NDUFAF6: variants seen among roughly 807,000 people sequenced by gnomAD.
NDUFAF6 encodes NADH:ubiquinone oxidoreductase complex assembly factor 6.
A neutral mutation model predicts 40.8 loss-of-function variants in NDUFAF6; 45 were observed. The observed-to-expected ratio is 1.10, with a 90% CI of 0.87 to 1.42. NDUFAF6 has a LOEUF of 1.42. NDUFAF6 is among the 40% of genes most tolerant of loss of function. The probability of loss-of-function intolerance (pLI) is 0.00; values close to 1 mark genes in which losing one functional copy is unlikely to be tolerated. For synonymous variants in NDUFAF6, 185 were observed against 155.9 expected, an observed-to-expected ratio of 1.19 and a Z score of -1.39; for missense variants, 435 against 418.5, an observed-to-expected ratio of 1.04 and a Z score of -0.34.
chr8:95,053,685 G>T (rs1291991131), intron 8 of NDUFAF6, among the ~76,000 whole-genome samples: 1 of 151,656 alleles, frequency 6.6e-6, no homozygotes, highest in Non-Finnish European at 1.5e-5. Flanking sequence ...GAGTGCAGTG[G>T]TGTGATCTTG....
At chr8:95,097,569 T>C (rs189874387), upstream of NDUFAF6, among the ~76,000 whole-genome samples, 4 of 152,218 alleles carry the variant, frequency 2.6e-5, no homozygotes, top group East Asian at 5.8e-4. Context: ...CATGGTGGCA[T>C]GTGCCTGTAA....
chr8:94,898,269 A>G (rs957491760), intron 1 of NDUFAF6, among the ~76,000 whole-genome samples: 11 of 152,224 alleles, frequency 7.2e-5, no homozygotes, highest in African/African-American at 2.4e-4. Context: ...TTTACCTAAT[A>G]TCTTTTTATT....
Position 94,932,808 on chromosome 8 carries a change from TAAAAA to T in NDUFAF6, c.-935-12669_-935-12665del, listed in dbSNP as rs749341346. On this transcript the variant is annotated intron_variant, in intron 1 of 14. Coordinates refer to the NDUFAF6 transcript ENST00000396113. Reference sequence around the variant, plus strand: ...AAGGAGCGAGACTCCGTCTCAAAAATAAAAAAAAAAGAATTTCAAATCCCAAAATA... The same window carrying T: ...AAGGAGCGAGACTCCGTCTCAAAAATAAAAAGAATTTCAAATCCCAAAATA... 3.8e-4 allele frequency among the ~76,000 whole-genome samples: 54 copies of T among 140,888 alleles called. 1 individual carries two copies. In the South Asian group the frequency reaches 0.011, roughly 30 times the overall value. 92.4% of individuals were successfully genotyped at this position (140,888 alleles called of 152,430 possible).
chr8:94,994,194 G>T (rs910713543), intron 2 of NDUFAF6, among the ~76,000 whole-genome samples: 16 of 152,176 alleles, frequency 1.1e-4, no homozygotes, highest in Admixed American at 8.5e-4. Flanking sequence ...GGTTAGAAAT[G>T]ACCAATGTGT....
At chr8:95,098,211 C>A (rs542528585), upstream of NDUFAF6, among the ~76,000 whole-genome samples, 7 of 152,250 alleles carry the variant, frequency 4.6e-5, no homozygotes, top group East Asian at 1.3e-3. Flanking sequence ...CAATGGATAC[C>A]CCAATCTGGA....
chr8:95,025,943 G>A (rs1828066027), intron 1 of NDUFAF6, among the ~76,000 whole-genome samples: 1 of 152,190 alleles, frequency 6.6e-6, no homozygotes, highest in South Asian at 2.1e-4. Context: ...AGGCCTGACT[G>A]CTGAGACCAG....
intron 1 of NDUFAF6, among the ~76,000 whole-genome samples, chr8:94,934,548 G>T (rs1176269883): frequency 1.3e-5 from 2 of 151,930 alleles, no homozygotes; most frequent in Non-Finnish European, 2.9e-5. Context: ...AGCAAGCCTG[G>T]CTAATTTTTG....
At chr8:94,985,507 ATATATATATTTTTTTTTTTTTTTTTTTTT>A (rs1825810143) in intron 2 of NDUFAF6, among the ~76,000 whole-genome samples, 3 of 6,106 alleles carry the variant, frequency 4.9e-4, no homozygotes, top group African/African-American at 2.7e-3. Context: ...ATATATATAT[ATATATATATTTTTTTTTTTTTTTTTTTTT>A]TTTTTTTTTT....
intron 2 of NDUFAF6, among the ~76,000 whole-genome samples, chr8:94,997,620 A>C (rs1255031186): frequency 6.6e-6 from 1 of 152,206 alleles, no homozygotes; most frequent in African/African-American, 2.4e-5. Flanking sequence ...TGTCTTATTA[A>C]AAGGATTCAC....
At chr8:95,101,959 C>T (rs1343300667) in intron 2 of NDUFAF6, among the ~76,000 whole-genome samples, 3 of 151,784 alleles carry the variant, frequency 2.0e-5, no homozygotes, top group Non-Finnish European at 4.4e-5. Context: ...GCCACGTGAT[C>T]ATTTGAACAT....
intron 2 of NDUFAF6, among the ~76,000 whole-genome samples, chr8:95,003,718 C>A (rs1316084927): frequency 6.6e-6 from 1 of 152,180 alleles, no homozygotes; most frequent in South Asian, 2.1e-4. Context: ...TGCAAACATT[C>A]TTTTCCCTGG....
intron 2 of NDUFAF6, among the ~76,000 whole-genome samples, chr8:95,083,303 G>T (rs949132777): frequency 6.6e-6 from 1 of 152,102 alleles, no homozygotes; most frequent in African/African-American, 2.4e-5. Flanking sequence ...ATTTGTACCT[G>T]ATCAGCTTTG....
chr8:94,941,354 TAAG>T (rs1248855278), intron 1 of NDUFAF6, among the ~76,000 whole-genome samples: 1 of 152,104 alleles, frequency 6.6e-6, no homozygotes, highest in Non-Finnish European at 1.5e-5. Context: ...GCTTTTATAA[TAAG>T]GTGAATTTGA....
chr8:95,078,975 T>G (rs1332813056), downstream of NDUFAF6, among the ~76,000 whole-genome samples: 2 of 152,070 alleles, frequency 1.3e-5, no homozygotes, highest in Non-Finnish European at 2.9e-5. Flanking sequence ...GGACATCTTT[T>G]TTTTTGTTTT....
At chr8:94,912,038 A>G (rs1490097683) in intron 1 of NDUFAF6, among the ~76,000 whole-genome samples, 1 of 152,232 alleles carries the variant, frequency 6.6e-6, no homozygotes, top group African/African-American at 2.4e-5. Context: ...CTCTTAGAGT[A>G]TGATATCATT....
rs192417896 is a variant in NDUFAF6, at chr8:94,912,121, C to T, written c.-936+16194C>T. Among the ~76,000 whole-genome samples the T allele has an allele frequency of 8.1e-4, 123 of 152,254 alleles. 1 individual carries two copies. The highest frequency in any genetic ancestry group is 2.8e-3 in the African/African-American group (118 of 41,540). The stretch of plus-strand genomic sequence containing the variant: ...CTAAGTTTTGTTTTCATATCAGTGC[C>T]AGAATTTAACAGTGGTCTCTATCCT... On this transcript the variant is annotated intron_variant, in intron 1 of 14. Transcript: ENST00000396113.
intron 1 of NDUFAF6, among the ~76,000 whole-genome samples, chr8:94,904,935 C>T (rs929674124): frequency 2.0e-5 from 3 of 152,140 alleles, no homozygotes; most frequent in African/African-American, 7.2e-5. Context: ...CGCGGTGGCT[C>T]ATGCCTGTAA....
intron 8 of NDUFAF6, 123 bp downstream of exon 8, chr8:95,052,353 C>T (rs1831532709): frequency 3.0e-6 from 3 of 1,011,096 alleles, no homozygotes; most frequent in Non-Finnish European, 4.5e-6. Context: ...GTTTCCCTCC[C>T]TCATGGCGGC....
rs116259163 is a variant in NDUFAF6 at position 94,904,872 on chromosome 8, A to T, written c.-936+8945A>T. Among the ~76,000 whole-genome samples the T allele has an allele frequency of 7.7e-3, 1,133 of 146,950 alleles. 8 individuals are homozygous for T. Among genetic ancestry groups the T allele is most frequent in the African/African-American group, 0.027 (1,075 of 40,274 alleles). Reference sequence around the variant, plus strand: ...TAACTGTCATTGCCTTATTACATTTAAAAAAAAAATCATAATAGAATATTG... The same window carrying T: ...TAACTGTCATTGCCTTATTACATTTTAAAAAAAAATCATAATAGAATATTG... On this transcript the variant is annotated intron_variant, in intron 1 of 14. Coordinates refer to the NDUFAF6 transcript ENST00000396113.
Sources: gnomAD v4.1 joint callset for allele counts (sites outside exome capture counted in the v4.1 genomes callset) on GRCh38, gnomAD v4.1.1 for gene constraint, MANE v1.5 for transcripts, NCBI Gene and HGNC (gene_info 2026-07-23, HGNC 2026-07-21) for gene names.